Variants in ZNF672 observed in about 807,000 individuals in gnomAD.
ZNF672 encodes hypothetical protein FLJ22301.
For synonymous variants in ZNF672, 358 were observed against 305.6 expected (o/e 1.17, Z -1.79); for missense variants, 733 against 701.1 (o/e 1.05, Z -0.51).
Position 248,848,335 on chromosome 1 carries a change from T to G in ZNF672, c.1061T>G (p.Leu354Arg), listed in dbSNP as rs1434470275. Residue 354 changes from leucine (L) to arginine (R), a missense_variant, in exon 4 of 4, where the codon CTC becomes CGC. By Grantham distance (102) the Leu-to-Arg change is moderately radical. Coordinates refer to ENST00000306562, the MANE Select transcript of ZNF672 (RefSeq NM_024836.3). Reference protein sequence around the residue: ...CGKRFTCVSNLNVHRRNHAGH... With the variant: ...CGKRFTCVSNRNVHRRNHAGH... ...AAGCGGTTCACGTGCGTGTCCAATC[T>G]CAACGTGCATCGGCGCAACCATGCC... 6.2e-7 allele frequency: 1 copy of G among 1,601,502 alleles called. No individual in the cohort carries two copies. Among genetic ancestry groups the G allele is most frequent in the African/African-American group, 1.3e-5 (1 of 74,904 alleles).
chr1:248,841,999 A>G (rs564542443), intron 1 of ZNF672, among the ~76,000 whole-genome samples: 1 of 152,272 alleles, frequency 6.6e-6, no homozygotes, highest in South Asian at 2.1e-4. Context: ...TGTCATTCCT[A>G]TTTCCACCAG....
At position 248,847,464 on chromosome 1, in the gene ZNF672, C is replaced by G. The variant is rs780781647; in HGVS notation, c.190C>G (p.His64Asp). ...AADLRAHRRT[H>D]AGQTLYICSE... Reference sequence around the variant, plus strand: ...TGACCTCCGAGCGCACAGGCGCACGCATGCTGGCCAGACCCTCTACATCTG... The same window carrying G: ...TGACCTCCGAGCGCACAGGCGCACGGATGCTGGCCAGACCCTCTACATCTG... The change falls in exon 4 of 4, where the codon CAT (histidine) becomes GAT (aspartate). Residue 64 changes from histidine to aspartate, a missense_variant. Transcript: ENST00000306562. The G allele has an allele frequency of 2.6e-5, 41 of 1,593,510 alleles. No individual in the cohort carries two copies. The highest frequency in any genetic ancestry group is 3.3e-5 in the Non-Finnish European group (39 of 1,170,278).
At chr1:248,845,987 A>T (rs1664755062) in intron 3 of ZNF672, among the ~76,000 whole-genome samples, 1 of 152,186 alleles carries the variant, frequency 6.6e-6, no homozygotes, top group Non-Finnish European at 1.5e-5. Flanking sequence ...CACATACTAC[A>T]AAGGCTGACC....
intron 1 of ZNF672, 89 bp from the exon 2 acceptor site, chr1:248,844,394 G>A (rs1664724794): frequency 6.6e-6 from 1 of 152,154 alleles, no homozygotes; most frequent in Admixed American, 6.5e-5. Context: ...TATAGCAACT[G>A]TAAAACTCAC....
At position 248,848,954 on chromosome 1, in the gene ZNF672, T is replaced by C. The variant is rs1429633954; in HGVS notation, c.*321T>C. ...GTGTGTCCCTTTAATGCTACTGTGC[T>C]CTCTGGTGTTTCTGATTTTCCTGCC... On this transcript the variant is annotated 3_prime_UTR_variant, in exon 4 of 4. Transcript: ENST00000306562. The C allele has an allele frequency of 4.8e-6, 3 of 625,990 alleles. No individual in the cohort carries two copies. The highest frequency in any genetic ancestry group is 9.2e-6 in the Non-Finnish European group (3 of 326,338). 38.8% of individuals were successfully genotyped at this position (625,990 alleles called of 1,614,324 possible). A position where few individuals can be genotyped will look rare whatever the true frequency, so the allele number is the denominator to read the frequency against.
chr1:248,838,987 A>G (rs976112299), intron 1 of ZNF672: 2 of 152,284 alleles, frequency 1.3e-5, no homozygotes, highest in African/African-American at 4.8e-5. Context: ...GCTCAAAGAA[A>G]GTTTGCCCAG....
chr1:248,840,367 C>T (rs1397559219), intron 1 of ZNF672, among the ~76,000 whole-genome samples: 1 of 152,326 alleles, frequency 6.6e-6, no homozygotes, highest in Admixed American at 6.5e-5. Context: ...GCTAGGATTA[C>T]AGGCGTGAGC....
rs377320131 is a variant in ZNF672 at position 248,848,138 on chromosome 1, C to A, written c.864C>A (p.Cys288Ter). ...AGCGGCCACATGCGTGCGCCACTTG[C>A]GGCAAGGGTTTCGGGCAGCGCTCCG... is the stretch of plus-strand genomic sequence containing the variant. Reference protein sequence around the residue: ...QGERPHACATCGKGFGQRSDL... With the variant: ...QGERPHACAT Residue 288 changes from cysteine (C) to a stop codon, truncating the protein, a stop_gained, in exon 4 of 4, where the codon TGC (cysteine) becomes TGA (stop). Transcript: ENST00000306562. LOFTEE classifies it low-confidence loss of function (END_TRUNC). The A allele has an allele frequency of 1.9e-6, 3 of 1,575,826 alleles. No individual in the cohort carries two copies. Among genetic ancestry groups the A allele is most frequent in the Non-Finnish European group, 2.6e-6 (3 of 1,165,456 alleles).
Position 248,848,534 on chromosome 1 carries a change from C to G in ZNF672, c.1260C>G (p.Ala420=). The G allele has an allele frequency of 6.3e-7, 1 of 1,598,494 alleles. No individual in the cohort carries two copies. The highest frequency in any genetic ancestry group is 8.5e-7 in the Non-Finnish European group (1 of 1,171,830). The change falls in exon 4 of 4, where the codon GCC becomes GCG. Residue 420 remains alanine, a synonymous_variant. Transcript: ENST00000306562. ...LSQHQRAHTR[A]RTAAAVAIQS... ...AGCATCAGCGGGCCCACACGCGCGCCCGCACCGCTGCCGCCGTTGCCATCC... is the reference window on the plus strand; with the variant it reads ...AGCATCAGCGGGCCCACACGCGCGCGCGCACCGCTGCCGCCGTTGCCATCC...
chr1:248,845,247 G>A (rs1446192091), intron 2 of ZNF672, among the ~76,000 whole-genome samples: 1 of 152,118 alleles, frequency 6.6e-6, no homozygotes, highest in Non-Finnish European at 1.5e-5. Context: ...GGGCGACAGG[G>A]CGAGACTGTC....
intron 2 of ZNF672, among the ~76,000 whole-genome samples, chr1:248,844,901 C>T (rs561040357): frequency 1.3e-5 from 2 of 152,352 alleles, no homozygotes; most frequent in South Asian, 4.1e-4. Flanking sequence ...TCTGACCTGA[C>T]ATCTAACTAG....
chr1:248,841,832 C>T lies in ZNF672; in HGVS notation c.-474-2651C>T, dbSNP rs369271170. ...GCTTGGGAGGCTGAAGCGCAAGAATCGCTTGAACCTCGGAGGCAGAGGTTG... is the reference window on the plus strand; with the variant it reads ...GCTTGGGAGGCTGAAGCGCAAGAATTGCTTGAACCTCGGAGGCAGAGGTTG... On this transcript the variant is annotated intron_variant, in intron 1 of 3. Transcript: ENST00000306562. Among the ~76,000 whole-genome samples the T allele has an allele frequency of 9.9e-5, 15 of 152,190 alleles. No individual in the cohort carries two copies. In the East Asian group the frequency reaches 1.6e-3, roughly 16 times the overall value.
chr1:248,840,289 AC>A (rs1558236888), intron 1 of ZNF672, among the ~76,000 whole-genome samples: 1 of 150,928 alleles, frequency 6.6e-6, no homozygotes, highest in Non-Finnish European at 1.5e-5. Flanking sequence ...ACGGGGTTTC[AC>A]CATATTGGCC....
At position 248,848,087 on chromosome 1, in the gene ZNF672, G is replaced by C; in HGVS notation, c.813G>C (p.Leu271=). The change falls in exon 4 of 4, where the codon CTG becomes CTC. Residue 271 remains leucine (L), a synonymous_variant. Coordinates refer to ENST00000306562, the MANE Select transcript of ZNF672 (RefSeq NM_024836.3). ...GCTTCAGCGAGAGTTCCACGCTGCT[G>C]CGCCATCGGCGCAGCCATCAGGGCG... ...GRCFSESSTL[L]RHRRSHQGER... 6.5e-7 allele frequency: 1 copy of C among 1,547,986 alleles called. No homozygotes were observed. Among genetic ancestry groups the C allele is most frequent in the East Asian group, 2.4e-5 (1 of 41,160 alleles).
chr1:248,846,194 C>G (rs752294235), intron 3 of ZNF672, among the ~76,000 whole-genome samples: 4 of 152,184 alleles, frequency 2.6e-5, no homozygotes, highest in Non-Finnish European at 5.9e-5. Context: ...TGATCAGATT[C>G]ATCATATTCA....
intron 1 of ZNF672, among the ~76,000 whole-genome samples, chr1:248,842,313 G>A (rs1664691215): frequency 1.3e-5 from 2 of 152,154 alleles, no homozygotes; most frequent in Admixed American, 1.3e-4. Flanking sequence ...AAGTCTGATC[G>A]TGATCCAGAT....
chr1:248,844,122 G>A (rs1406237990), intron 1 of ZNF672, among the ~76,000 whole-genome samples: 1 of 151,898 alleles, frequency 6.6e-6, no homozygotes, highest in African/African-American at 2.4e-5. Flanking sequence ...TATTATTAAG[G>A]AAAAAAATGA....
At chr1:248,843,061 T>G in intron 1 of ZNF672, among the ~76,000 whole-genome samples, 1 of 152,086 alleles carries the variant, frequency 6.6e-6, no homozygotes, top group Non-Finnish European at 1.5e-5. Context: ...GCTGCAAGCC[T>G]CCTGGGGCCT....
chr1:248,848,424 CT>C lies in ZNF672; in HGVS notation c.1151del (p.Leu384ArgfsTer71). On this transcript the variant is annotated frameshift_variant, in exon 4 of 4. Coordinates refer to ENST00000306562, the MANE Select transcript of ZNF672 (RefSeq NM_024836.3). LOFTEE classifies it low-confidence loss of function (END_TRUNC). ...CTTCAGCGTCGCCTCCAAGCTTGCACTGCACCGCAAGACGCACCTGGGCGAA... is the reference window on the plus strand; with the variant it reads ...CTTCAGCGTCGCCTCCAAGCTTGCACGCACCGCAAGACGCACCTGGGCGAA... Reference protein sequence around the residue: ...KAFSVASKLALHRKTHLGERP... With the variant: ...KAFSVASKLAXHRKTHLGERP... 1 of 1,606,924 alleles carries C rather than the reference CT, an allele frequency of 6.2e-7. No homozygotes were observed. The highest frequency in any genetic ancestry group is 2.2e-5 in the East Asian group (1 of 44,856).
Sources: allele counts gnomAD v4.1 joint callset (sites outside exome capture counted in the v4.1 genomes callset), GRCh38; gene constraint gnomAD v4.1.1; transcripts MANE v1.5; gene names NCBI Gene and HGNC (gene_info 2026-07-23, HGNC 2026-07-21).